The following CCDC61 variants were observed in gnomAD, a reference collection of about 807,000 sequenced individuals.
CCDC61 encodes coiled-coil domain containing 61.
In CCDC61, 55 loss-of-function variants were observed where a neutral mutation model predicts 63.0. The ratio of observed to expected loss-of-function variants is 0.87; its 90% CI spans 0.70 to 1.09. The LOEUF (loss-of-function observed/expected upper bound fraction) is 1.09. Among genes scored for constraint, CCDC61 ranks in the 50% least tolerant of loss-of-function variants. CCDC61 has a pLI of 0.00. For missense variants in CCDC61, 651 were observed against 731.4 expected (o/e 0.89, Z 1.27); for synonymous variants, 270 against 317.0 (o/e 0.85, Z 1.58).
intron 12 of CCDC61, among the ~76,000 whole-genome samples, chr19:46,017,718 A>G (rs138102104): frequency 1.3e-5 from 2 of 152,270 alleles, no homozygotes; most frequent in African/African-American, 2.4e-5. Flanking sequence ...TGAGAGCATT[A>G]GATTGGAGAA....
chr19:46,012,772 T>C (rs1968852796), intron 5 of CCDC61, among the ~76,000 whole-genome samples: 1 of 152,158 alleles, frequency 6.6e-6, no homozygotes, highest in Admixed American at 6.5e-5. Flanking sequence ...ACTCACTTGA[T>C]TTGCTTATGG....
intron 1 of CCDC61, among the ~76,000 whole-genome samples, chr19:46,000,937 G>A (rs115965680): frequency 0.026 from 4,004 of 151,410 alleles, 181 homozygotes; most frequent in African/African-American, 0.092. Flanking sequence ...GATGCGGTGT[G>A]GCGGGCCCCC....
chr19:46,012,261 T>C (rs888401362), intron 5 of CCDC61, among the ~76,000 whole-genome samples: 13 of 152,168 alleles, frequency 8.5e-5, no homozygotes, highest in African/African-American at 2.7e-4. Flanking sequence ...TTTCTTGTTG[T>C]GAAAAATAAT....
At chr19:46,012,850 A>AT in intron 5 of CCDC61, among the ~76,000 whole-genome samples, 1 of 131,394 alleles carries the variant, frequency 7.6e-6, no homozygotes, top group African/African-American at 3.1e-5. Context: ...CACTTAATTT[A>AT]ATTTTTTTTT....
chr19:46,009,810 G>GTGTGTA (rs1026003997), intron 5 of CCDC61, among the ~76,000 whole-genome samples: 1 of 81,058 alleles, frequency 1.2e-5, no homozygotes, highest in Non-Finnish European at 2.7e-5. Flanking sequence ...GGCTGTGTGT[G>GTGTGTA]TGTGTATGTG....
At chr19:45,998,500 G>C (rs1320455003) in intron 1 of CCDC61, among the ~76,000 whole-genome samples, 1 of 152,192 alleles carries the variant, frequency 6.6e-6, no homozygotes, top group Non-Finnish European at 1.5e-5. Context: ...GCTTCCTGCA[G>C]GAGAGGGGAT....
intron 5 of CCDC61, among the ~76,000 whole-genome samples, chr19:46,009,802 CTGTGTGTGTGTGTATGTGTGTGTG>C (rs994115620): frequency 6.7e-4 from 86 of 128,316 alleles, no homozygotes; most frequent in African/African-American, 2.4e-3. Context: ...TGCTCTCAGG[CTGTGTGTGTGTGTATGTGTGTGTG>C]TGTGTGTGTG....
intron 1 of CCDC61, among the ~76,000 whole-genome samples, chr19:46,000,537 T>C (rs1053321472): frequency 6.6e-6 from 1 of 151,074 alleles, no homozygotes; most frequent in African/African-American, 2.4e-5. Flanking sequence ...GGCTGGAATA[T>C]GTGGAGTGGG....
Position 46,018,324 on chromosome 19 carries a change from C to G in CCDC61, c.1476C>G (p.Ala492=), listed in dbSNP as rs752033352. The G allele has an allele frequency of 8.3e-6, 13 of 1,575,436 alleles. No individual in the cohort carries two copies. The highest frequency in any genetic ancestry group is 5.5e-5 in the Admixed American group (3 of 54,094). The change falls in exon 14 of 14, where the codon GCC becomes GCG. Residue 492 remains alanine, a synonymous_variant. Transcript: ENST00000595358. The surrounding 1 kb of genome is among the most constrained non-coding windows in gnomAD (Gnocchi z 4.2). ...YSSEHQAADM[A]EIDARLKALQ... is the part of the protein sequence containing the mutation. ...CGGAGCACCAGGCGGCTGACATGGC[C>G]GAAATAGACGCACGCCTGAAGGCCT...
intron 5 of CCDC61, among the ~76,000 whole-genome samples, chr19:46,009,383 A>G (rs189412522): frequency 6.6e-6 from 1 of 152,284 alleles, no homozygotes; most frequent in East Asian, 1.9e-4. Context: ...TAATGTTACC[A>G]GTAACTAATG....
intron 5 of CCDC61, among the ~76,000 whole-genome samples, chr19:46,009,326 G>T (rs1165252959): frequency 6.6e-6 from 1 of 152,100 alleles, no homozygotes; most frequent in Non-Finnish European, 1.5e-5. Flanking sequence ...GATCGCTACC[G>T]GGAAGAGGCC....
In CCDC61 at chr19:45,995,475, C is replaced by T. The variant is rs374315364; in HGVS notation, c.-41C>T. On this transcript the variant is annotated 5_prime_UTR_variant, in exon 1 of 14. Transcript: ENST00000595358. ...GGGGCTGGAGCTTCGTCAGTTGAAC[C>T]GCTCGCGAGGAGGGTTGCTAGTGGA... is the stretch of plus-strand genomic sequence containing the variant. The T allele has an allele frequency of 3.8e-6, 2 of 530,650 alleles. No individual in the cohort carries two copies. Among genetic ancestry groups the T allele is most frequent in the Admixed American group, 2.0e-5 (1 of 51,000 alleles). 32.9% of individuals were successfully genotyped at this position (530,650 alleles called of 1,614,324 possible).
rs765281922 is a variant in CCDC61 at position 46,016,407 on chromosome 19, C to A, written c.1091+14C>A. 3.8e-5 allele frequency: 62 copies of A among 1,612,568 alleles called. 1 individual carries two copies. Among genetic ancestry groups the A allele is most frequent in the Non-Finnish European group, 4.9e-5 (58 of 1,179,362 alleles). ...GATCCAGATGAAGTCAGTGCCCCTT[C>A]CTCCCTCACCTGCCCCTGTCCCTGG... is the stretch of plus-strand genomic sequence containing the variant. On this transcript the variant is annotated intron_variant, in intron 9 of 13. Transcript: ENST00000595358. This position sits in a 1 kb window ranked among gnomAD's most constrained non-coding sequence, Gnocchi z 7.2.
intron 3 of CCDC61, among the ~76,000 whole-genome samples, chr19:46,004,720 T>C (rs1968666228): frequency 6.6e-6 from 1 of 152,020 alleles, no homozygotes. Flanking sequence ...CTGCCTTGGC[T>C]TCCCAAAGTG....
intron 4 of CCDC61, among the ~76,000 whole-genome samples, chr19:46,007,383 C>T (rs575291097): frequency 1.3e-5 from 2 of 152,140 alleles, no homozygotes; most frequent in South Asian, 4.2e-4. Flanking sequence ...CTCTTCATGG[C>T]CACAAAATAG....
chr19:46,006,551 C>T lies in CCDC61; in HGVS notation c.232-8C>T, dbSNP rs1968713591. On this transcript the variant is annotated splice_region_variant and splice_polypyrimidine_tract_variant and intron_variant, in intron 3 of 13. Coordinates refer to ENST00000595358, the MANE Select transcript of CCDC61 (RefSeq NM_001267723.2). ...GCTGTGGCAGCTCCTCCTCTCCTCTCCTGACAGAGTAGTGAGTCAGTCACC... is the reference window on the plus strand; with the variant it reads ...GCTGTGGCAGCTCCTCCTCTCCTCTTCTGACAGAGTAGTGAGTCAGTCACC... The T allele has an allele frequency of 6.5e-7, 1 of 1,527,530 alleles. No homozygotes were observed. Among genetic ancestry groups the T allele is most frequent in the East Asian group, 2.4e-5 (1 of 42,034 alleles). The allele number at this position is 1,527,530 out of a possible 1,614,324, so 94.6% of individuals were successfully genotyped here. A position where few individuals can be genotyped will look rare whatever the true frequency, so the allele number is the denominator to read the frequency against.
At chr19:46,001,617 A>C (rs1182603624) in intron 1 of CCDC61, among the ~76,000 whole-genome samples, 2 of 152,254 alleles carry the variant, frequency 1.3e-5, no homozygotes, top group African/African-American at 4.8e-5. Context: ...GGGTCCCCGA[A>C]TTCATCAGCC....
In CCDC61 at chr19:46,015,961, C is replaced by T; in HGVS notation, c.846-93C>T. The T allele has an allele frequency of 9.0e-7, 1 of 1,115,178 alleles. No individual in the cohort carries two copies. The allele number at this position is 1,115,178 out of a possible 1,614,324, so 69.1% of individuals were successfully genotyped here. On this transcript the variant is annotated intron_variant, in intron 7 of 13. Transcript: ENST00000595358. The surrounding 1 kb of genome is among the most constrained non-coding windows in gnomAD (Gnocchi z 5.3). ...ACGTCTAGGAGTTGATGGGGTAGGC[C>T]TGAGGGTTCGGAGAAGGTGCGGTCG... is the stretch of plus-strand genomic sequence containing the variant.
intron 1 of CCDC61, among the ~76,000 whole-genome samples, chr19:46,002,572 C>T (rs1451083115): frequency 1.3e-5 from 2 of 151,842 alleles, no homozygotes; most frequent in Non-Finnish European, 2.9e-5. Flanking sequence ...TGCACCACCA[C>T]ACCTGGCAAT....
Sources: gnomAD v4.1 joint callset for allele counts (sites outside exome capture counted in the v4.1 genomes callset) on GRCh38, gnomAD v4.1.1 for gene constraint, Gnocchi (gnomAD v3.1) non-coding constraint, MANE v1.5 for transcripts, NCBI Gene and HGNC (gene_info 2026-07-23, HGNC 2026-07-21) for gene names.